Variants in SPOCK3 observed in about 807,000 individuals in gnomAD.
SPOCK3 encodes the protein SPARC (osteonectin), cwcv and kazal like domains proteoglycan 3.
A neutral mutation model predicts 56.6 loss-of-function variants in SPOCK3; 30 were observed. That is an observed-to-expected ratio of 0.53 (90% confidence interval 0.40 to 0.72). The LOEUF (loss-of-function observed/expected upper bound fraction) is 0.72. SPOCK3 is among the 30% of genes least tolerant of loss of function. The pLI, the probability that SPOCK3 is intolerant of heterozygous loss-of-function variation, is 0.00. For missense variants in SPOCK3, 527 were observed against 530.0 expected, an observed-to-expected ratio of 0.99 and a Z score of 0.06; for synonymous variants, 196 against 183.3, an observed-to-expected ratio of 1.07 and a Z score of -0.56.
At chr4:167,005,712 C>A in intron 3 of SPOCK3, among the ~76,000 whole-genome samples, 1 of 152,112 alleles carries the variant, frequency 6.6e-6, no homozygotes, top group East Asian at 1.9e-4. Context: ...TACTGACTTA[C>A]AATCACAAAA....
At chr4:167,207,609 AAT>A (rs1425019132) in intron 2 of SPOCK3, among the ~76,000 whole-genome samples, 7 of 152,108 alleles carry the variant, frequency 4.6e-5, no homozygotes, top group Non-Finnish European at 8.8e-5. Flanking sequence ...CCCTATTTAA[AAT>A]ATTTCTTCTA....
chr4:167,186,608 C>T (rs955663888), intron 2 of SPOCK3, among the ~76,000 whole-genome samples: 12 of 151,746 alleles, frequency 7.9e-5, no homozygotes, highest in Middle Eastern at 3.4e-3. Flanking sequence ...GTCTGGACAA[C>T]AAGAGCAAAA....
chr4:167,112,131 T>C (rs985916939), intron 2 of SPOCK3, among the ~76,000 whole-genome samples: 2 of 152,120 alleles, frequency 1.3e-5, no homozygotes, highest in African/African-American at 4.8e-5. Flanking sequence ...CTTAAATCTA[T>C]ATATATGCTT....
intron 3 of SPOCK3, among the ~76,000 whole-genome samples, chr4:167,029,649 G>T (rs1752074420): frequency 6.6e-6 from 1 of 151,946 alleles, no homozygotes; most frequent in African/African-American, 2.4e-5. Flanking sequence ...CATGCTGCAG[G>T]CATAATTGGC....
intron 6 of SPOCK3, among the ~76,000 whole-genome samples, chr4:166,848,817 C>T (rs1748372152): frequency 1.3e-5 from 2 of 152,106 alleles, no homozygotes; most frequent in African/African-American, 4.8e-5. Flanking sequence ...TGTTTTCCTC[C>T]TTTTTGTTAC....
At chr4:167,217,989 T>C (rs1735534121) in intron 2 of SPOCK3, among the ~76,000 whole-genome samples, 1 of 151,566 alleles carries the variant, frequency 6.6e-6, no homozygotes, top group Non-Finnish European at 1.5e-5. Context: ...AACATCACAG[T>C]ATAGTCCAAA....
intron 4 of SPOCK3, among the ~76,000 whole-genome samples, chr4:166,954,676 C>T (rs972208123): frequency 1.3e-5 from 2 of 152,128 alleles, no homozygotes; most frequent in African/African-American, 4.8e-5. Context: ...TCTACTGAAG[C>T]ATAATATACC....
chr4:167,225,774 G>GAA (rs111257132), intron 2 of SPOCK3, among the ~76,000 whole-genome samples: 18 of 146,930 alleles, frequency 1.2e-4, no homozygotes, highest in Admixed American at 5.4e-4. Flanking sequence ...CGCATGTTAA[G>GAA]AAAAAAAAAA....
chr4:167,072,329 C>T (rs1035326344), intron 2 of SPOCK3, among the ~76,000 whole-genome samples: 2 of 151,988 alleles, frequency 1.3e-5, no homozygotes, highest in Non-Finnish European at 2.9e-5. Context: ...TTATTAGCCA[C>T]ACCCCTTTTT....
rs1479231233 is a variant in SPOCK3, at chr4:167,160,875, A to G, written c.189+73110T>C. On this transcript the variant is annotated intron_variant, in intron 2 of 10. Coordinates refer to ENST00000357545, the MANE Select transcript of SPOCK3 (RefSeq NM_001040159.2). ...AAACTGCATCCCTTCCTTACACCTT[A>G]TACAAAAATTAATTCGAGATGGATT... Among the ~76,000 whole-genome samples, 5 of 152,192 alleles carry G rather than the reference A, an allele frequency of 3.3e-5. No individual in the cohort carries two copies. In the South Asian group the frequency reaches 8.3e-4, roughly 25 times the overall value.
chr4:167,113,989 T>C (rs1192752847), intron 2 of SPOCK3, among the ~76,000 whole-genome samples: 1 of 151,656 alleles, frequency 6.6e-6, no homozygotes, highest in Admixed American at 6.6e-5. Context: ...GAGAACAAAG[T>C]TGAAACAGCC....
In SPOCK3 at chr4:167,037,254, C is replaced by T. The variant is rs140797323; in HGVS notation, c.235+25238G>A. 1.3e-3 allele frequency among the ~76,000 whole-genome samples: 191 copies of T among 152,150 alleles called. 4 individuals carry two copies. The East Asian group carries it at 0.035, about 28-fold the overall frequency. ...ATACCAGCAAGTTGGGAGGCCGAGACGGGTGAATCACAAGGTCAAGAGATC... is the reference window on the plus strand; with the variant it reads ...ATACCAGCAAGTTGGGAGGCCGAGATGGGTGAATCACAAGGTCAAGAGATC... On this transcript the variant is annotated intron_variant, in intron 3 of 10. Coordinates refer to ENST00000357545, the MANE Select transcript of SPOCK3 (RefSeq NM_001040159.2).
intron 2 of SPOCK3, among the ~76,000 whole-genome samples, chr4:167,159,029 A>G (rs10517911): frequency 0.18 from 27,220 of 151,870 alleles, 2,630 homozygotes; most frequent in Admixed American, 0.26. Context: ...ATCCTCAAAC[A>G]TATACAATGA....
chr4:167,201,959 T>C (rs1733558399), intron 2 of SPOCK3, among the ~76,000 whole-genome samples: 1 of 152,010 alleles, frequency 6.6e-6, no homozygotes, highest in Non-Finnish European at 1.5e-5. Context: ...ATATAATTAC[T>C]GTTCTTCACC....
chr4:166,784,832 G>A (rs1185405627), intron 7 of SPOCK3, among the ~76,000 whole-genome samples: 1 of 152,062 alleles, frequency 6.6e-6, no homozygotes, highest in East Asian at 1.9e-4. Context: ...GCAGATATAA[G>A]ACATTATCTT....
intron 2 of SPOCK3, among the ~76,000 whole-genome samples, chr4:167,203,524 A>G (rs1010643394): frequency 6.6e-6 from 1 of 151,472 alleles, no homozygotes; most frequent in Non-Finnish European, 1.5e-5. Flanking sequence ...GAGACTGCTT[A>G]GGAGATCACA....
intron 6 of SPOCK3, among the ~76,000 whole-genome samples, chr4:166,872,220 A>C (rs1732563860): frequency 6.6e-6 from 1 of 152,106 alleles, no homozygotes; most frequent in African/African-American, 2.4e-5. Flanking sequence ...AAGAATGAGT[A>C]ATAGAATATG....
intron 7 of SPOCK3, among the ~76,000 whole-genome samples, chr4:166,788,056 C>T (rs1046358458): frequency 6.6e-6 from 1 of 152,038 alleles, no homozygotes; most frequent in Non-Finnish European, 1.5e-5. Context: ...GTGGCACACA[C>T]CAGTAATCCC....
chr4:167,218,859 T>C (rs573029899), intron 2 of SPOCK3, among the ~76,000 whole-genome samples: 1 of 152,258 alleles, frequency 6.6e-6, no homozygotes, highest in East Asian at 1.9e-4. Flanking sequence ...CCAAGGATAA[T>C]GTACTAAGTG....
Sources: gnomAD v4.1 joint callset for allele counts (sites outside exome capture counted in the v4.1 genomes callset) on GRCh38, gnomAD v4.1.1 for gene constraint, MANE v1.5 for transcripts, NCBI Gene and HGNC (gene_info 2026-07-23, HGNC 2026-07-21) for gene names.